Variants in LILRA4 observed in about 807,000 individuals in gnomAD.
LILRA4 encodes leukocyte immunoglobulin-like receptor subfamily A member 4.
A neutral mutation model predicts 49.5 loss-of-function variants in LILRA4; 51 were observed. The observed-to-expected ratio is 1.03, with a 90% CI of 0.82 to 1.30. LILRA4 has a LOEUF of 1.30. LILRA4 is among the 50% of genes most tolerant of loss of function. LILRA4 has a pLI of 0.00. For synonymous variants in LILRA4, 272 were observed against 265.6 expected (o/e 1.02, Z -0.23); for missense variants, 624 against 625.6 (o/e 1.00, Z 0.03).
intron 2 of LILRA4, 39 bp downstream of exon 2, chr19:54,338,827 A>G (rs1409841157): frequency 6.2e-7 from 1 of 1,612,188 alleles, no homozygotes; most frequent in South Asian, 1.1e-5. Flanking sequence ...TTGTCCCCAG[A>G]GAGGAGGAGG....
In LILRA4 at chr19:54,336,899, G is replaced by T. The variant is rs763993700; in HGVS notation, c.1197C>A (p.Arg399=). ...GAGACAGCAGGTAGGGGTTGGAGCTGCGTGAGCCGTAGCACCTGTAGGTCC... is the reference window on the plus strand; with the variant it reads ...GAGACAGCAGGTAGGGGTTGGAGCTTCGTGAGCCGTAGCACCTGTAGGTCC... The part of the protein sequence containing the change: ...HAGTYRCYGS[R]SSNPYLLSHP... Residue 399 remains arginine, a synonymous_variant, in exon 6 of 8, where the codon CGC becomes CGA. Coordinates refer to ENST00000291759, the MANE Select transcript of LILRA4 (RefSeq NM_012276.5). 2 of 1,614,228 alleles carry T rather than the reference G, an allele frequency of 1.2e-6. No individual in the cohort carries two copies. Among genetic ancestry groups the T allele is most frequent in the Non-Finnish European group, 1.7e-6 (2 of 1,180,036 alleles).
At position 54,338,104 on chromosome 19, in the gene LILRA4, A is replaced by C; in HGVS notation, c.487T>G (p.Ser163Ala). Reference sequence around the variant, plus strand: ...TGTTGGTGTGAGTTCAGGGTCCAGGAGAGCCTGTGGTCTCCTTCCTCAATC... The same window carrying C: ...TGTTGGTGTGAGTTCAGGGTCCAGGCGAGCCTGTGGTCTCCTTCCTCAATC... The part of the protein sequence containing the change: ...TLIEEGDHRL[S>A]WTLNSHQHNH... The change falls in exon 4 of 8, where the codon TCC (serine) becomes GCC (alanine). Residue 163 changes from serine to alanine, a missense_variant. Physicochemically the swap from Ser to Ala is moderately conservative, Grantham distance 99. Transcript: ENST00000291759. 6.2e-7 allele frequency: 1 copy of C among 1,614,034 alleles called. No individual in the cohort carries two copies.
chr19:54,338,508 G>C lies in LILRA4; in HGVS notation c.243C>G (p.Val81=), dbSNP rs140420273. Residue 81 remains valine, a synonymous_variant, in exon 3 of 8, where the codon GTC becomes GTG. Coordinates refer to ENST00000291759, the MANE Select transcript of LILRA4 (RefSeq NM_012276.5). ...ACATCATGGATGGGATGGAGAGTTT[G>C]ACCTTGTTTTCAGACTCCAGTGTTT... ...ILKTLESENK[V]KLSIPSMMWE... The C allele has an allele frequency of 4.3e-5, 70 of 1,614,158 alleles. No homozygotes were observed. The African/African-American group carries it at 8.5e-4, about 20-fold the overall frequency.
chr19:54,337,173 GC>G, intron 5 of LILRA4, 30 bp from the exon 6 acceptor site: 1 of 1,589,868 alleles, frequency 6.3e-7, no homozygotes, highest in Non-Finnish European at 8.6e-7. Context: ...GTGAGGGGCT[GC>G]CCCACCTTGT....
rs574572299 is a variant in LILRA4 at position 54,337,085 on chromosome 19, T to C, written c.1011A>G (p.Gly337=). The change falls in exon 6 of 8, where the codon GGA becomes GGG. Residue 337 remains glycine, a synonymous_variant. Coordinates refer to ENST00000291759, the MANE Select transcript of LILRA4 (RefSeq NM_012276.5). ...SVQPGPTVTS[G]EKVTLLCQSW... is the part of the protein sequence containing the mutation. ...ACTGACACAGCAGGGTCACCTTCTC[T>C]CCTGAGGTCACCGTGGGGCCCGGCT... 1.2e-6 allele frequency: 2 copies of C among 1,613,958 alleles called. No individual in the cohort carries two copies. The highest frequency in any genetic ancestry group is 1.3e-5 in the African/African-American group (1 of 74,970).
intron 6 of LILRA4, chr19:54,335,904 C>T (rs918951707): frequency 2.0e-5 from 3 of 152,114 alleles, no homozygotes; most frequent in Admixed American, 6.5e-5. Context: ...TATGTAACTA[C>T]GTATATATTC....
Position 54,333,339 on chromosome 19 carries a change from G to A in LILRA4, c.*233C>T, listed in dbSNP as rs769960329. On this transcript the variant is annotated 3_prime_UTR_variant, in exon 8 of 8. Transcript: ENST00000291759. ...GCAGAGCATGAGGTCACAGAGGGGCGGACCCAAACCCACCATAGGGGTGAA... is the reference window on the plus strand; with the variant it reads ...GCAGAGCATGAGGTCACAGAGGGGCAGACCCAAACCCACCATAGGGGTGAA... 127 of 575,826 alleles carry A rather than the reference G, an allele frequency of 2.2e-4. No homozygotes were observed. The highest frequency in any genetic ancestry group is 6.3e-4 in the Admixed American group (19 of 30,392). 35.7% of individuals were successfully genotyped at this position (575,826 alleles called of 1,614,324 possible). A position where few individuals can be genotyped will look rare whatever the true frequency, so the allele number is the denominator to read the frequency against.
rs778935663 is a variant in LILRA4, at chr19:54,338,083, G to A, written c.508C>T (p.Gln170Ter). The A allele has an allele frequency of 3.7e-6, 6 of 1,614,076 alleles. No individual in the cohort carries two copies. In the Admixed American group the frequency reaches 1.0e-4, roughly 27 times the overall value. ...GCCTGGAACTTTCCATGGTTGTGTT[G>A]GTGTGAGTTCAGGGTCCAGGAGAGC... ...HRLSWTLNSH[Q>*]HNHGKFQALF... is the part of the protein sequence containing the mutation. Residue 170 changes from glutamine (Q) to a stop codon, truncating the protein, a stop_gained, in exon 4 of 8, where the codon CAA (glutamine) becomes TAA (stop). Transcript: ENST00000291759. LOFTEE classifies it high-confidence loss of function.
At chr19:54,334,990 A>T (rs1321175993) in intron 6 of LILRA4, 3 of 151,738 alleles carry the variant, frequency 2.0e-5, no homozygotes, top group African/African-American at 7.3e-5. Context: ...AAATAAAATA[A>T]AATAAAATAA....
In LILRA4 at chr19:54,337,653, G is replaced by T. The variant is rs564361750; in HGVS notation, c.699C>A (p.Val233=). The T allele has an allele frequency of 6.2e-7, 1 of 1,613,444 alleles. No individual in the cohort carries two copies. Among genetic ancestry groups the T allele is most frequent in the East Asian group, 2.2e-5 (1 of 44,852 alleles). Residue 233 remains valine (V), a synonymous_variant, in exon 5 of 8, where the codon GTC becomes GTA. Transcript: ENST00000291759. ...KPSLLTLQGP[V]VTPGENLTLQ... Reference sequence around the variant, plus strand: ...GGGTCAGATTCTCTCCGGGGGTCACGACAGGGCCCTGCAGGGTCAGGAGGG... The same window carrying T: ...GGGTCAGATTCTCTCCGGGGGTCACTACAGGGCCCTGCAGGGTCAGGAGGG...
At chr19:54,337,220 G>C (rs2081334380) in intron 5 of LILRA4, 77 bp from the exon 6 acceptor site, 1 of 1,521,138 alleles carries the variant, frequency 6.6e-7, no homozygotes, top group Non-Finnish European at 8.9e-7. Flanking sequence ...CCTCTCCCTG[G>C]GACCCTCAGT....
chr19:54,333,993 T>G, intron 6 of LILRA4, 28 bp from the exon 7 acceptor site: 1 of 1,600,094 alleles, frequency 6.2e-7, no homozygotes, highest in Non-Finnish European at 8.6e-7. Flanking sequence ...AGGATGTTGG[T>G]GAGAAGCTGA....
chr19:54,334,008 C>CCT, intron 6 of LILRA4, 43 bp from the exon 7 acceptor site: 1 of 1,536,866 alleles, frequency 6.5e-7, no homozygotes, highest in Non-Finnish European at 9.0e-7. Flanking sequence ...AGCTGAAGAG[C>CCT]CTCTCCCCTG....
At chr19:54,339,026 A>G in intron 1 of LILRA4, 34 bp downstream of exon 1, 1 of 1,613,856 alleles carries the variant, frequency 6.2e-7, no homozygotes, top group Admixed American at 1.7e-5. Flanking sequence ...TCTCTCCTAG[A>G]CTAGGGTCTC....
rs1017056107 is a variant in LILRA4 at position 54,336,544 on chromosome 19, C to G, written c.1255+297G>C. On this transcript the variant is annotated intron_variant, in intron 6 of 7. Coordinates refer to ENST00000291759, the MANE Select transcript of LILRA4 (RefSeq NM_012276.5). The stretch of plus-strand genomic sequence containing the variant: ...TGGGAAGTCCTCATCTATTTCCACA[C>G]TCCCATAGGCTGGACCTTCCCCTCG... 1.9e-5 allele frequency: 10 copies of G among 535,834 alleles called. No individual in the cohort carries two copies. The African/African-American group carries it at 1.9e-4, about 10-fold the overall frequency. 33.2% of individuals were successfully genotyped at this position (535,834 alleles called of 1,614,324 possible). A position where few individuals can be genotyped will look rare whatever the true frequency, so the allele number is the denominator to read the frequency against.
chr19:54,337,038 A>G lies in LILRA4; in HGVS notation c.1058T>C (p.Phe353Ser). ...GGCTGCCCCCTCCTTGGTCAGAAGG[A>G]AAGTGAACATCGGGTCCCATGACTG... is the stretch of plus-strand genomic sequence containing the variant. ...LCQSWDPMFT[F>S]LLTKEGAAHP... Residue 353 changes from phenylalanine to serine, a missense_variant, in exon 6 of 8, where the codon TTC becomes TCC. Physicochemically the swap from Phe to Ser is radical, Grantham distance 155. Transcript: ENST00000291759. 1 of 1,613,958 alleles carries G rather than the reference A, an allele frequency of 6.2e-7. No individual in the cohort carries two copies. The highest frequency in any genetic ancestry group is 8.5e-7 in the Non-Finnish European group (1 of 1,179,962).
chr19:54,334,801 C>G (rs1028696504), intron 6 of LILRA4: 1 of 111,772 alleles, frequency 8.9e-6, no homozygotes, highest in Non-Finnish European at 1.8e-5. Flanking sequence ...CCCATCTCTA[C>G]TAAAAATACA....
At position 54,333,435 on chromosome 19, in the gene LILRA4, C is replaced by G; in HGVS notation, c.*137G>C. On this transcript the variant is annotated 3_prime_UTR_variant, in exon 8 of 8. Transcript: ENST00000291759. ...AGAGTCGACAATGAGGAGGAAAGCA[C>G]CACAGTTTAATGGAGGAAGCATCTT... 1 of 819,534 alleles carries G rather than the reference C, an allele frequency of 1.2e-6. No homozygotes were observed. The highest frequency in any genetic ancestry group is 1.9e-6 in the Non-Finnish European group (1 of 515,614). 50.8% of individuals were successfully genotyped at this position (819,534 alleles called of 1,614,324 possible).
intron 4 of LILRA4, 76 bp downstream of exon 4, chr19:54,337,860 C>A: frequency 6.6e-7 from 1 of 1,507,910 alleles, no homozygotes; most frequent in Non-Finnish European, 8.9e-7. Context: ...CTTGCGTGGG[C>A]TAGCCCGAGG....
Sources: gnomAD v4.1 joint callset for allele counts on GRCh38, gnomAD v4.1.1 for gene constraint, MANE v1.5 for transcripts, NCBI Gene and HGNC (gene_info 2026-07-23, HGNC 2026-07-21) for gene names.